Variants in ZFAND3 observed in about 807,000 individuals in gnomAD.
ZFAND3 encodes the protein zinc finger AN1-type containing 3.
Under a neutral mutation model 29.6 loss-of-function variants are expected in ZFAND3, and 10 were observed. The observed-to-expected ratio is 0.34, with a 90% confidence interval of 0.21 to 0.57. The LOEUF is 0.57. Among genes scored for constraint, ZFAND3 ranks in the 20% least tolerant of loss-of-function variants. The probability of loss-of-function intolerance (pLI) is 0.86; values close to 1 mark genes in which losing one functional copy is unlikely to be tolerated. For synonymous variants in ZFAND3, 128 were observed against 112.6 expected, an observed-to-expected ratio of 1.14 and a Z score of -0.87; for missense variants, 230 against 304.5, an observed-to-expected ratio of 0.76 and a Z score of 1.82.
chr6:38,127,879 G>T (rs1765664641), intron 5 of ZFAND3, among the ~76,000 whole-genome samples: 1 of 152,156 alleles, frequency 6.6e-6, no homozygotes, highest in East Asian at 1.9e-4. Context: ...CTTCAGCTTA[G>T]GTTTCAGCCA....
At chr6:38,137,158 T>C (rs1234890191) in intron 5 of ZFAND3, among the ~76,000 whole-genome samples, 2 of 152,248 alleles carry the variant, frequency 1.3e-5, no homozygotes, top group African/African-American at 4.8e-5. Flanking sequence ...ATCTTGGACA[T>C]TTCTGGGTTA....
At chr6:37,960,827 C>T (rs1026880759) in intron 2 of ZFAND3, among the ~76,000 whole-genome samples, 2 of 152,112 alleles carry the variant, frequency 1.3e-5, no homozygotes, top group Admixed American at 1.3e-4. Flanking sequence ...CACCTGTAAC[C>T]CCAGCACTTT....
chr6:38,092,619 CTG>C (rs2127474593), intron 4 of ZFAND3, among the ~76,000 whole-genome samples: 1 of 152,020 alleles, frequency 6.6e-6, no homozygotes, highest in African/African-American at 2.4e-5. Flanking sequence ...AGGAGTAGGA[CTG>C]TGTTTTCCAG....
chr6:37,908,327 A>T (rs1313630373), intron 1 of ZFAND3, among the ~76,000 whole-genome samples: 1 of 152,210 alleles, frequency 6.6e-6, no homozygotes, highest in African/African-American at 2.4e-5. Flanking sequence ...AGATCTAAAA[A>T]TACCTTAAAT....
At chr6:37,828,154 G>T (rs1753447310) in intron 1 of ZFAND3, among the ~76,000 whole-genome samples, 1 of 152,236 alleles carries the variant, frequency 6.6e-6, no homozygotes, top group African/African-American at 2.4e-5. Context: ...TTCCTGGAAG[G>T]AGAAACATTC....
chr6:37,998,328 G>C (rs1581825762), intron 2 of ZFAND3, among the ~76,000 whole-genome samples: 1 of 152,248 alleles, frequency 6.6e-6, no homozygotes, highest in East Asian at 1.9e-4. Context: ...AAGCACGGGG[G>C]AATTTTTAGA....
chr6:37,820,046 GCGGGGGC>G (rs1356495790), intron 1 of ZFAND3, 30 bp downstream of exon 1: 3 of 1,002,344 alleles, frequency 3.0e-6, no homozygotes, highest in Middle Eastern at 4.1e-4. Flanking sequence ...GGGGCGGGGG[GCGGGGGC>G]CGGGGGCGCA....
intron 3 of ZFAND3, among the ~76,000 whole-genome samples, chr6:38,071,751 A>G (rs1425908499): frequency 2.6e-5 from 4 of 152,158 alleles, no homozygotes; most frequent in Admixed American, 6.5e-5. Flanking sequence ...TCTCTGCACA[A>G]GTTTAGAGAC....
chr6:37,946,426 C>T (rs1271067443), intron 2 of ZFAND3, among the ~76,000 whole-genome samples: 6 of 152,216 alleles, frequency 3.9e-5, no homozygotes, highest in Admixed American at 3.9e-4. Flanking sequence ...CTTTGTCGCA[C>T]AGCTCAAAAG....
intron 2 of ZFAND3, among the ~76,000 whole-genome samples, chr6:38,030,953 A>T (rs1438192055): frequency 6.6e-6 from 1 of 152,210 alleles, no homozygotes; most frequent in Non-Finnish European, 1.5e-5. Flanking sequence ...TGGCAGTAAC[A>T]TAATGGAAAG....
chr6:37,940,455 A>C (rs1212777902), intron 2 of ZFAND3, among the ~76,000 whole-genome samples: 1 of 152,226 alleles, frequency 6.6e-6, no homozygotes, highest in Non-Finnish European at 1.5e-5. Flanking sequence ...CTTTCATGCT[A>C]TAAAATTTTA....
At chr6:38,041,476 A>G (rs1464100375) in intron 2 of ZFAND3, among the ~76,000 whole-genome samples, 2 of 151,294 alleles carry the variant, frequency 1.3e-5, no homozygotes, top group Non-Finnish European at 2.9e-5. Context: ...ATCATTATAA[A>G]CCCATGGATT....
In ZFAND3 at chr6:37,955,566, C is replaced by T. The variant is rs201773259; in HGVS notation, c.112+25567C>T. 2.6e-5 allele frequency among the ~76,000 whole-genome samples: 4 copies of T among 152,314 alleles called. No individual in the cohort carries two copies. In the East Asian group the frequency reaches 7.7e-4, roughly 29 times the overall value. On this transcript the variant is annotated intron_variant, in intron 2 of 5. Transcript: ENST00000287218. ...GATCATAGGAAGAGAACGGTGGGTACAATTTTTTGGCTGCAAGTGCCAAAG... is the reference window on the plus strand; with the variant it reads ...GATCATAGGAAGAGAACGGTGGGTATAATTTTTTGGCTGCAAGTGCCAAAG...
At chr6:37,932,443 C>T (rs905622922) in intron 2 of ZFAND3, among the ~76,000 whole-genome samples, 2 of 152,094 alleles carry the variant, frequency 1.3e-5, no homozygotes, top group Non-Finnish European at 2.9e-5. Context: ...CTGAAATGCT[C>T]CAAAGTGCAA....
intron 2 of ZFAND3, among the ~76,000 whole-genome samples, chr6:37,984,447 T>C (rs896146058): frequency 6.6e-6 from 1 of 152,216 alleles, no homozygotes; most frequent in Non-Finnish European, 1.5e-5. Flanking sequence ...TGTGCAGTCT[T>C]AGCTTTCACA....
At chr6:37,862,411 G>A (rs1004639331) in intron 1 of ZFAND3, among the ~76,000 whole-genome samples, 1 of 151,908 alleles carries the variant, frequency 6.6e-6, no homozygotes, top group Non-Finnish European at 1.5e-5. Context: ...CAGGGGCTGA[G>A]CACAGTGGCT....
chr6:37,839,356 A>AT (rs1469362140), intron 1 of ZFAND3, among the ~76,000 whole-genome samples: 3 of 148,854 alleles, frequency 2.0e-5, no homozygotes, highest in African/African-American at 7.4e-5. Context: ...AATTTTTTGT[A>AT]TTTTTAGTAG....
In ZFAND3 at chr6:38,057,094, G is replaced by A. The variant is rs970848302; in HGVS notation, c.113-4499G>A. ...TCATTTAGAGAGGTGGGTAAGCTTG[G>A]AGACTTCTAGTTTTCTCATTTATAT... On this transcript the variant is annotated intron_variant, in intron 2 of 5. Coordinates refer to ENST00000287218, the MANE Select transcript of ZFAND3 (RefSeq NM_021943.3). Among the ~76,000 whole-genome samples the A allele has an allele frequency of 3.9e-5, 6 of 152,118 alleles. No homozygotes were observed. The East Asian group carries it at 1.2e-3, about 29-fold the overall frequency.
At chr6:37,878,716 T>C (rs1297857042) in intron 1 of ZFAND3, among the ~76,000 whole-genome samples, 1 of 152,218 alleles carries the variant, frequency 6.6e-6, no homozygotes, top group Non-Finnish European at 1.5e-5. Flanking sequence ...ATTTGGGAAT[T>C]AGTTTAGTTT....
Sources: gnomAD v4.1 joint callset for allele counts (sites outside exome capture counted in the v4.1 genomes callset) on GRCh38, gnomAD v4.1.1 for gene constraint, MANE v1.5 for transcripts, NCBI Gene and HGNC (gene_info 2026-07-23, HGNC 2026-07-21) for gene names.